Variants in NCOA6 observed in about 807,000 individuals in gnomAD.
NCOA6 encodes nuclear receptor coactivator 6.
A neutral mutation model predicts 171.4 loss-of-function variants in NCOA6; 49 were observed. That is an observed-to-expected ratio of 0.29 (90% CI 0.23 to 0.36). NCOA6 has a LOEUF of 0.36. Among genes scored for constraint, NCOA6 ranks in the 10% least tolerant of loss-of-function variants. The probability of loss-of-function intolerance (pLI) is 1.00; values close to 1 mark genes in which losing one functional copy is unlikely to be tolerated. For synonymous variants in NCOA6, 910 were observed against 927.5 expected, an observed-to-expected ratio of 0.98 and a Z score of 0.34; for missense variants, 2,248 against 2,554.5, an observed-to-expected ratio of 0.88 and a Z score of 2.59.
At chr20:34,775,414 C>T (rs1359490155) in intron 4 of NCOA6, among the ~76,000 whole-genome samples, 2 of 151,552 alleles carry the variant, frequency 1.3e-5, no homozygotes, top group East Asian at 1.9e-4. Flanking sequence ...CACTGCGGGC[C>T]GGCGTGATGG....
At chr20:34,818,901 G>T (rs1345951422) in intron 1 of NCOA6, among the ~76,000 whole-genome samples, 1 of 152,196 alleles carries the variant, frequency 6.6e-6, no homozygotes, top group African/African-American at 2.4e-5. Flanking sequence ...CAAGTAAAAA[G>T]AGTTCTTCTA....
intron 1 of NCOA6, among the ~76,000 whole-genome samples, chr20:34,805,257 G>T (rs1188189772): frequency 6.6e-6 from 1 of 152,028 alleles, no homozygotes; most frequent in East Asian, 1.9e-4. Context: ...TGCCCAGGCT[G>T]ATCTCAAACT....
In NCOA6 at chr20:34,782,284, T is replaced by G. The variant is rs1568844184; in HGVS notation, c.72A>C (p.Ser24=). 6.2e-7 allele frequency: 1 copy of G among 1,612,962 alleles called. No individual in the cohort carries two copies. The highest frequency in any genetic ancestry group is 8.5e-7 in the Non-Finnish European group (1 of 1,179,532). The change falls in exon 3 of 15, where the codon TCA becomes TCC. Residue 24 remains serine, a synonymous_variant. Transcript: ENST00000359003. ...TSLCSSTMED[S]EMDFDSGLED... The stretch of plus-strand genomic sequence containing the variant: ...CTAGTCCAGAGTCAAAATCCATCTC[T>G]GAGTCTTCCATTGTTGATGAACACA...
intron 1 of NCOA6, among the ~76,000 whole-genome samples, chr20:34,823,815 A>G (rs951410233): frequency 6.6e-6 from 1 of 151,766 alleles, no homozygotes; most frequent in Non-Finnish European, 1.5e-5. Context: ...CGATCCTCCC[A>G]CCTCAGCCTC....
At chr20:34,739,074 GGAAGGGAA>G in intron 11 of NCOA6, 1 of 417,852 alleles carries the variant, frequency 2.4e-6, no homozygotes, top group South Asian at 1.6e-5. Flanking sequence ...AACATGTCAG[GGAAGGGAA>G]GAAGGGAAGG....
At chr20:34,777,065 C>G (rs780061251) in intron 3 of NCOA6, among the ~76,000 whole-genome samples, 1 of 130,588 alleles carries the variant, frequency 7.7e-6, no homozygotes, top group African/African-American at 3.0e-5. Context: ...TGTGGTGAGC[C>G]AAGACTGCGC....
In NCOA6 at chr20:34,757,803, A is replaced by G; in HGVS notation, c.945T>C (p.Pro315=). 1 of 1,614,078 alleles carries G rather than the reference A, an allele frequency of 6.2e-7. No individual in the cohort carries two copies. The highest frequency in any genetic ancestry group is 2.2e-5 in the East Asian group (1 of 44,880). The change falls in exon 7 of 15, where the codon CCT becomes CCC. Residue 315 remains proline (P), a synonymous_variant. Transcript: ENST00000359003. ...QFTAPTQVPV[P]PGWNQLPSGA... ...CAGAAGGCAGCTGGTTCCAGCCTGG[A>G]GGAACAGGCACCTGAGTTGGGGCAG...
Position 34,740,762 on chromosome 20 carries a change from A to G in NCOA6, c.5494T>C (p.Cys1832Arg), listed in dbSNP as rs148323927. The G allele has an allele frequency of 9.3e-6, 15 of 1,614,090 alleles. No homozygotes were observed. Among genetic ancestry groups the G allele is most frequent in the African/African-American group, 1.3e-5 (1 of 74,936 alleles). Residue 1832 changes from cysteine to arginine, a missense_variant, in exon 11 of 15, where the codon TGT (cysteine) becomes CGT (arginine). Around this residue, in one of 7 missense-constraint regions of NCOA6, gnomAD observed 884 missense variants for 941.9 expected, o/e 0.94. Transcript: ENST00000359003. ...KIGQILLTKA[C>R]KKVTGSLEKG... Reference sequence around the variant, plus strand: ...TCAAGAGAGCCTGTAACTTTCTTACATGCCTTGGTCAACAAAATTTGGCCA... The same window carrying G: ...TCAAGAGAGCCTGTAACTTTCTTACGTGCCTTGGTCAACAAAATTTGGCCA...
chr20:34,755,806 G>A (rs1344537962), intron 7 of NCOA6, among the ~76,000 whole-genome samples: 2 of 152,182 alleles, frequency 1.3e-5, no homozygotes, highest in Non-Finnish European at 2.9e-5. Context: ...AGCAATCTCA[G>A]CGCACTGCAA....
intron 1 of NCOA6, among the ~76,000 whole-genome samples, chr20:34,804,334 C>CATAA (rs902450918): frequency 4.1e-4 from 62 of 151,664 alleles, no homozygotes; most frequent in South Asian, 6.2e-4. Context: ...GAGACCTTGT[C>CATAA]ATAAATAAAT....
intron 2 of NCOA6, among the ~76,000 whole-genome samples, chr20:34,782,828 C>T (rs2077549816): frequency 6.6e-6 from 1 of 152,196 alleles, no homozygotes; most frequent in Admixed American, 6.5e-5. Context: ...AAGCCTTCTT[C>T]TTTCTCCAAA....
At chr20:34,765,327 T>C (rs2076946739) in intron 5 of NCOA6, among the ~76,000 whole-genome samples, 1 of 147,482 alleles carries the variant, frequency 6.8e-6, no homozygotes, top group Admixed American at 6.9e-5. Flanking sequence ...CATGGTGGCA[T>C]GGGAGGCTGA....
chr20:34,814,803 G>T (rs900768527), intron 1 of NCOA6, among the ~76,000 whole-genome samples: 1 of 152,164 alleles, frequency 6.6e-6, no homozygotes, highest in Non-Finnish European at 1.5e-5. Context: ...TGTTGGCCAG[G>T]CTGGTCACGA....
chr20:34,722,684 GAA>G (rs112692497), intron 14 of NCOA6, among the ~76,000 whole-genome samples: 218 of 90,470 alleles, frequency 2.4e-3, no homozygotes, highest in South Asian at 5.2e-3. Flanking sequence ...TGTCTCAAAT[GAA>G]AAAAAAAAAA....
intron 10 of NCOA6, among the ~76,000 whole-genome samples, chr20:34,745,201 G>A (rs1332614771): frequency 6.6e-6 from 1 of 152,196 alleles, no homozygotes; most frequent in Admixed American, 6.5e-5. Context: ...CAGGAGTCCT[G>A]TCAACAGTGC....
At chr20:34,799,213 T>A (rs1411055323) in intron 1 of NCOA6, among the ~76,000 whole-genome samples, 2 of 152,054 alleles carry the variant, frequency 1.3e-5, no homozygotes, top group Admixed American at 1.3e-4. Flanking sequence ...AAAGAATGCA[T>A]CAGTCTCTTA....
At chr20:34,791,268 A>G (rs1359719699) in intron 2 of NCOA6, among the ~76,000 whole-genome samples, 1 of 152,240 alleles carries the variant, frequency 6.6e-6, no homozygotes, top group Non-Finnish European at 1.5e-5. Context: ...TTCTCGAAAC[A>G]TGCTTTTAGA....
At chr20:34,811,133 A>ACAGAATCT (rs2078643989) in intron 1 of NCOA6, among the ~76,000 whole-genome samples, 2 of 145,114 alleles carry the variant, frequency 1.4e-5, no homozygotes, top group South Asian at 4.4e-4. Context: ...CTAGGACTAA[A>ACAGAATCT]CAGAATCTCA....
In NCOA6 at chr20:34,739,838, G is replaced by A. The variant is rs143386313; in HGVS notation, c.5893+525C>T. Reference sequence around the variant, plus strand: ...TAAATGAAAGGTATCATTATTTCAGGAACTCTTTGTTTTGAGAGCCTTAGC... The same window carrying A: ...TAAATGAAAGGTATCATTATTTCAGAAACTCTTTGTTTTGAGAGCCTTAGC... On this transcript the variant is annotated intron_variant, in intron 11 of 14. Coordinates refer to ENST00000359003, the MANE Select transcript of NCOA6 (RefSeq NM_014071.5). Among the ~76,000 whole-genome samples, 49 of 152,252 alleles carry A rather than the reference G, an allele frequency of 3.2e-4. No individual in the cohort carries two copies. In the East Asian group the frequency reaches 8.7e-3, roughly 27 times the overall value.
Sources: gnomAD v4.1 joint callset for allele counts (sites outside exome capture counted in the v4.1 genomes callset) on GRCh38, gnomAD v4.1.1 for gene constraint, gnomAD v4.1.1 regional missense constraint, MANE v1.5 for transcripts, NCBI Gene and HGNC (gene_info 2026-07-23, HGNC 2026-07-21) for gene names.